Variants in ITGAV observed in about 807,000 individuals in gnomAD.
The protein encoded by ITGAV is integrin subunit alpha V, also known as integrin alpha-V.
In ITGAV, 76 loss-of-function variants were observed where a neutral mutation model predicts 143.8. The observed-to-expected ratio is 0.53, with a 90% confidence interval of 0.44 to 0.64. The LOEUF is 0.64. Ranked by LOEUF, ITGAV falls within the 30% of genes least tolerant of loss-of-function variation. The probability of loss-of-function intolerance (pLI) is 0.00; values close to 1 mark genes in which losing one functional copy is unlikely to be tolerated. For synonymous variants in ITGAV, 453 were observed against 446.7 expected, an observed-to-expected ratio of 1.01 and a Z score of -0.18; for missense variants, 1,193 against 1,274.7, an observed-to-expected ratio of 0.94 and a Z score of 0.98.
At position 186,625,519 on chromosome 2, in the gene ITGAV, G is replaced by A. The variant is rs745888292; in HGVS notation, c.455G>A (p.Arg152Gln). Residue 152 changes from arginine to glutamine, a missense_variant, in exon 4 of 30, where the codon CGA becomes CAA. By Grantham distance (43) the Arg-to-Gln change is conservative. Transcript: ENST00000261023. ...TGGAGAACTGAGATGAAACAGGAGC[G>A]AGAGCCTGTTGGAACATGCTTTCTT... ...YHWRTEMKQE[R>Q]EPVGTCFLQD... 2.0e-5 allele frequency: 33 copies of A among 1,613,850 alleles called. No homozygotes were observed. The highest frequency in any genetic ancestry group is 4.4e-5 in the South Asian group (4 of 91,048).
intron 1 of ITGAV, among the ~76,000 whole-genome samples, chr2:186,599,552 AC>A (rs919507328): frequency 3.9e-5 from 6 of 152,156 alleles, no homozygotes; most frequent in African/African-American, 1.4e-4. Flanking sequence ...ACTTTGTAGC[AC>A]TTGTAATCAC....
intron 3 of ITGAV, among the ~76,000 whole-genome samples, chr2:186,625,248 C>T (rs1291724641): frequency 2.0e-5 from 3 of 151,868 alleles, no homozygotes; most frequent in East Asian, 1.9e-4. Flanking sequence ...TGGTGGCATG[C>T]GCATGTGGTG....
intron 18 of ITGAV, among the ~76,000 whole-genome samples, chr2:186,661,389 A>G (rs1179066283): frequency 6.6e-6 from 1 of 152,174 alleles, no homozygotes; most frequent in Non-Finnish European, 1.5e-5. Flanking sequence ...TTTAAAAATC[A>G]GTTCCTCAGT....
chr2:186,648,997 TATATAC>T (rs1688346840), intron 13 of ITGAV, among the ~76,000 whole-genome samples: 2 of 7,940 alleles, frequency 2.5e-4, no homozygotes, highest in African/African-American at 4.7e-4. Context: ...TGTGTGTATA[TATATAC>T]ACATTTGTGT....
intron 16 of ITGAV, among the ~76,000 whole-genome samples, chr2:186,655,312 G>C (rs563219441): frequency 5.3e-5 from 8 of 152,248 alleles, no homozygotes; most frequent in African/African-American, 1.7e-4. Context: ...GAAACTGTTG[G>C]GTGTGTGTTT....
chr2:186,597,213 T>G (rs1002532363), intron 1 of ITGAV, among the ~76,000 whole-genome samples: 1 of 152,208 alleles, frequency 6.6e-6, no homozygotes, highest in African/African-American at 2.4e-5. Context: ...TACTGGGCTC[T>G]TTTTCTCTGT....
intron 1 of ITGAV, among the ~76,000 whole-genome samples, chr2:186,599,642 C>G (rs2105651779): frequency 6.6e-6 from 1 of 152,258 alleles, no homozygotes; most frequent in East Asian, 1.9e-4. Flanking sequence ...AAAGTTGGGA[C>G]CACAGGCGCA....
At chr2:186,672,253 A>G (rs923548018) in intron 26 of ITGAV, among the ~76,000 whole-genome samples, 11 of 152,216 alleles carry the variant, frequency 7.2e-5, no homozygotes, top group Admixed American at 2.0e-4. Flanking sequence ...CCCAGCCAGT[A>G]CTTCATTTTT....
chr2:186,607,800 G>GT (rs1687109783), intron 2 of ITGAV, among the ~76,000 whole-genome samples: 1 of 152,160 alleles, frequency 6.6e-6, no homozygotes, highest in Non-Finnish European at 1.5e-5. Flanking sequence ...GAGTATCTGA[G>GT]TGACTAAGTG....
At chr2:186,627,118 C>G (rs1365700607) in intron 4 of ITGAV, among the ~76,000 whole-genome samples, 3 of 152,072 alleles carry the variant, frequency 2.0e-5, no homozygotes, top group Non-Finnish European at 4.4e-5. Context: ...ATTTCCACAT[C>G]TCATGGGGTT....
chr2:186,678,475 G>A lies in ITGAV; in HGVS notation c.*1183G>A, dbSNP rs1032981172. 9.0e-6 allele frequency: 2 copies of A among 222,818 alleles called. No homozygotes were observed. Among genetic ancestry groups the A allele is most frequent in the Admixed American group, 1.1e-4 (2 of 17,952 alleles). 13.8% of individuals were successfully genotyped at this position (222,818 alleles called of 1,614,324 possible). On this transcript the variant is annotated 3_prime_UTR_variant, in exon 30 of 30. Transcript: ENST00000261023. ...GGAATATTACCTCTGTTTAAGCAAG[G>A]TAATGTGTAAAATCAGTCTCGGCTG...
rs756998836 is a variant in ITGAV at position 186,667,772 on chromosome 2, A to G, written c.2429A>G (p.Tyr810Cys). 1.4e-5 allele frequency: 22 copies of G among 1,598,184 alleles called. No individual in the cohort carries two copies. The highest frequency in any genetic ancestry group is 5.6e-5 in the South Asian group (5 of 88,748). The change falls in exon 24 of 30, where the codon TAT (tyrosine) becomes TGT (cysteine). Residue 810 changes from tyrosine to cysteine, a missense_variant. By Grantham distance (194) the Tyr-to-Cys change is radical. Coordinates refer to ENST00000261023, the MANE Select transcript of ITGAV (RefSeq NM_002210.5). ...EDVGPVVQHI[Y>C]ELRNNGPSSF... Reference sequence around the variant, plus strand: ...GTTGGGCCAGTTGTTCAGCACATCTATGAGGTTTGCAGTTGTTAGATTTTA... The same window carrying G: ...GTTGGGCCAGTTGTTCAGCACATCTGTGAGGTTTGCAGTTGTTAGATTTTA...
chr2:186,612,290 T>A (rs1482361603), intron 2 of ITGAV, among the ~76,000 whole-genome samples: 1 of 152,122 alleles, frequency 6.6e-6, no homozygotes, highest in African/African-American at 2.4e-5. Flanking sequence ...ACTGCTAATG[T>A]ACATTGAGAA....
intron 2 of ITGAV, among the ~76,000 whole-genome samples, chr2:186,615,733 G>A (rs548050509): frequency 9.2e-5 from 14 of 151,568 alleles, no homozygotes; most frequent in African/African-American, 3.1e-4. Context: ...TATTTGATAA[G>A]CAAGTAATTT....
chr2:186,621,347 A>G (rs1001911584), intron 2 of ITGAV, among the ~76,000 whole-genome samples: 6 of 152,188 alleles, frequency 3.9e-5, no homozygotes, highest in African/African-American at 1.4e-4. Context: ...TATCTCCTAA[A>G]AACTAGGACA....
intron 17 of ITGAV, among the ~76,000 whole-genome samples, chr2:186,658,770 G>C (rs1688657827): frequency 7.1e-6 from 1 of 140,514 alleles, no homozygotes; most frequent in African/African-American, 3.0e-5. Context: ...GGGTGTGTGT[G>C]TTTGAGTGCT....
At chr2:186,639,105 A>C (rs1688033250) in intron 10 of ITGAV, among the ~76,000 whole-genome samples, 2 of 152,166 alleles carry the variant, frequency 1.3e-5, no homozygotes, top group Non-Finnish European at 2.9e-5. Context: ...CATTTTTACT[A>C]CATGAAATAA....
intron 2 of ITGAV, among the ~76,000 whole-genome samples, chr2:186,615,357 T>C (rs577791802): frequency 6.6e-6 from 1 of 152,160 alleles, no homozygotes; most frequent in Non-Finnish European, 1.5e-5. Flanking sequence ...TAATCTATAT[T>C]TACCTTTTTT....
At chr2:186,591,618 A>G (rs1158640604) in intron 1 of ITGAV, among the ~76,000 whole-genome samples, 1 of 152,204 alleles carries the variant, frequency 6.6e-6, no homozygotes, top group East Asian at 1.9e-4. Context: ...TCTACTACAC[A>G]CATGCCTAAT....
Sources: allele counts gnomAD v4.1 joint callset (sites outside exome capture counted in the v4.1 genomes callset), GRCh38; gene constraint gnomAD v4.1.1; transcripts MANE v1.5; gene names NCBI Gene and HGNC (gene_info 2026-07-23, HGNC 2026-07-21).